The following KALRN variants were observed in gnomAD, a reference collection of about 807,000 sequenced individuals.
KALRN encodes kalirin RhoGEF kinase.
A neutral mutation model predicts 353.7 loss-of-function variants in KALRN; 70 were observed. The ratio of observed to expected loss-of-function variants is 0.20; its 90% confidence interval spans 0.16 to 0.24. The LOEUF is 0.24. Ranked by LOEUF, KALRN falls within the 10% of genes least tolerant of loss-of-function variation. KALRN has a pLI of 1.00. For missense variants in KALRN, 2,791 were observed against 3,756.7 expected, an observed-to-expected ratio of 0.74 and a Z score of 6.72; for synonymous variants, 1,391 against 1,434.8, an observed-to-expected ratio of 0.97 and a Z score of 0.69.
At chr3:124,235,207 A>G (rs1261913435) in intron 3 of KALRN, among the ~76,000 whole-genome samples, 2 of 152,170 alleles carry the variant, frequency 1.3e-5, no homozygotes, top group Non-Finnish European at 2.9e-5. Flanking sequence ...ACTCTATGAC[A>G]CTGATTTAGG....
chr3:124,528,243 A>G (rs996067777), intron 33 of KALRN, among the ~76,000 whole-genome samples: 2 of 152,180 alleles, frequency 1.3e-5, no homozygotes, highest in Non-Finnish European at 2.9e-5. Context: ...GGTTTGCTTT[A>G]TCACAAATAG....
Position 124,678,316 on chromosome 3 carries a change from G to A in KALRN, c.7317+3G>A. The A allele has an allele frequency of 6.2e-7, 1 of 1,613,468 alleles. No individual in the cohort carries two copies. The highest frequency in any genetic ancestry group is 8.5e-7 in the Non-Finnish European group (1 of 1,179,640). ...TGGGCAACAAAGTCTCTGTTAAAGT[G>A]AGTAAGGTATTCCGGAGCTGCGTCC... is the stretch of plus-strand genomic sequence containing the variant. On this transcript the variant is annotated splice_donor_region_variant and intron_variant, in intron 50 of 59. Coordinates refer to ENST00000682506, the MANE Select transcript of KALRN (RefSeq NM_001388419.1).
At chr3:124,703,388 T>A (rs1416193930) in intron 57 of KALRN, among the ~76,000 whole-genome samples, 1 of 152,222 alleles carries the variant, frequency 6.6e-6, no homozygotes, top group Non-Finnish European at 1.5e-5. Context: ...AAGCAGATAC[T>A]ATATACAAAT....
chr3:124,557,193 G>A (rs1006607678), intron 33 of KALRN, among the ~76,000 whole-genome samples: 9 of 152,138 alleles, frequency 5.9e-5, no homozygotes, highest in Non-Finnish European at 1.2e-4. Flanking sequence ...AGTGAGCATA[G>A]TACCCAATAG....
chr3:124,238,606 C>G (rs2080074741), intron 3 of KALRN, among the ~76,000 whole-genome samples: 1 of 152,226 alleles, frequency 6.6e-6, no homozygotes, highest in Admixed American at 6.5e-5. Context: ...CAATATGCAT[C>G]TAAGTGCTCT....
At chr3:124,473,972 A>T (rs1002261500) in intron 25 of KALRN, among the ~76,000 whole-genome samples, 1 of 152,144 alleles carries the variant, frequency 6.6e-6, no homozygotes, top group Admixed American at 6.5e-5. Context: ...TATCCTATGA[A>T]CCCAAACCAA....
chr3:124,384,172 G>T (rs951205092), intron 10 of KALRN, among the ~76,000 whole-genome samples: 1 of 152,118 alleles, frequency 6.6e-6, no homozygotes, highest in African/African-American at 2.4e-5. Flanking sequence ...TAGGGAGTTG[G>T]ACGACTGTGT....
chr3:124,338,640 T>A (rs537087914), intron 9 of KALRN, among the ~76,000 whole-genome samples: 19 of 152,346 alleles, frequency 1.2e-4, no homozygotes, highest in African/African-American at 4.3e-4. Flanking sequence ...GATCTGTAGA[T>A]GTCTATTAGG....
At chr3:124,319,504 A>C (rs11713910) in intron 6 of KALRN, among the ~76,000 whole-genome samples, 48,490 of 149,960 alleles carry the variant, frequency 0.32, 7,970 homozygotes, top group Admixed American at 0.37. Context: ...TTTGATTATT[A>C]ACTTCAGTGG....
intron 21 of KALRN, among the ~76,000 whole-genome samples, chr3:124,453,939 C>A (rs1460466837): frequency 2.0e-5 from 3 of 152,196 alleles, no homozygotes; most frequent in Non-Finnish European, 4.4e-5. Flanking sequence ...TTTACCTACT[C>A]TGTGTGAAAT....
chr3:124,588,354 G>A (rs1156363501), intron 34 of KALRN, among the ~76,000 whole-genome samples: 2 of 152,196 alleles, frequency 1.3e-5, no homozygotes, highest in Non-Finnish European at 2.9e-5. Flanking sequence ...GCTAAGTTAT[G>A]TATTGCACTG....
intron 1 of KALRN, among the ~76,000 whole-genome samples, chr3:124,224,229 AT>A (rs201306974): frequency 0.022 from 3,106 of 138,176 alleles, 122 homozygotes; most frequent in African/African-American, 0.076. Context: ...GCCTTCCAGG[AT>A]TTTTTTTTTT....
At chr3:124,561,862 C>CATA (rs2072067481) in intron 33 of KALRN, among the ~76,000 whole-genome samples, 2 of 152,158 alleles carry the variant, frequency 1.3e-5, no homozygotes, top group Non-Finnish European at 2.9e-5. Flanking sequence ...GGAGACTGTA[C>CATA]TTAGTTCTAT....
At chr3:124,164,436 C>T (rs1366399931) in intron 1 of KALRN, 1 of 152,208 alleles carries the variant, frequency 6.6e-6, no homozygotes, top group African/African-American at 2.4e-5. Flanking sequence ...AGCAAACCCA[C>T]TCTTCTGTGT....
intron 11 of KALRN, among the ~76,000 whole-genome samples, chr3:124,393,836 T>C (rs1445630): frequency 0.13 from 19,553 of 152,218 alleles, 1,489 homozygotes; most frequent in Admixed American, 0.17. Flanking sequence ...TTCCTGTTAA[T>C]CTCTTCTGCC....
chr3:124,661,785 A>C (rs2084906789), intron 44 of KALRN, 66 bp from the exon 45 acceptor site: 6 of 1,269,790 alleles, frequency 4.7e-6, no homozygotes, highest in Non-Finnish European at 6.9e-6. Flanking sequence ...TCCAGCACTG[A>C]ATTACCAAGA....
rs150796718 is a variant in KALRN, at chr3:124,521,208, G to C, written c.4935+24795G>C. Among the ~76,000 whole-genome samples, 12 of 152,338 alleles carry C rather than the reference G, an allele frequency of 7.9e-5. No individual in the cohort carries two copies. In the East Asian group the frequency reaches 2.1e-3, roughly 27 times the overall value. ...CGGAAATCACCATTTGGTTTTCATA[G>C]GGATTTGTTTACTTAGCAAATATTT... On this transcript the variant is annotated intron_variant, in intron 33 of 59. Transcript: ENST00000682506.
intron 5 of KALRN, among the ~76,000 whole-genome samples, chr3:124,287,772 TATATATATATATATATATA>T (rs2076051444): frequency 1.5e-3 from 1 of 672 alleles, no homozygotes; most frequent in African/African-American, 4.3e-3. Context: ...CCTAGGAAGA[TATATATATATATATATATA>T]TATATATATA....
intron 1 of KALRN, among the ~76,000 whole-genome samples, chr3:124,095,164 G>A (rs1047250848): frequency 1.3e-5 from 2 of 152,108 alleles, no homozygotes; most frequent in African/African-American, 4.8e-5. Flanking sequence ...TTTCTTGCTG[G>A]GTTTTTCATC....
Sources: allele counts gnomAD v4.1 joint callset (sites outside exome capture counted in the v4.1 genomes callset), GRCh38; gene constraint gnomAD v4.1.1; transcripts MANE v1.5; gene names NCBI Gene and HGNC (gene_info 2026-07-23, HGNC 2026-07-21).